Variants in PPM1B observed in about 807,000 individuals in gnomAD.
PPM1B encodes the protein protein phosphatase 1B.
PPM1B carries 22 observed loss-of-function variants against 43.0 expected under a neutral mutation model. The observed-to-expected ratio is 0.51, with a 90% CI of 0.37 to 0.73. The LOEUF (loss-of-function observed/expected upper bound fraction) is 0.73. Among genes scored for constraint, PPM1B ranks in the 30% least tolerant of loss-of-function variants. The pLI is 0.00. For synonymous variants in PPM1B, 217 were observed against 197.9 expected, an observed-to-expected ratio of 1.10 and a Z score of -0.81; for missense variants, 632 against 584.2, an observed-to-expected ratio of 1.08 and a Z score of -0.84.
chr2:44,220,469 C>A (rs1307121487), intron 5 of PPM1B, among the ~76,000 whole-genome samples: 1 of 152,032 alleles, frequency 6.6e-6, no homozygotes, highest in Non-Finnish European at 1.5e-5. Context: ...AATATATAAA[C>A]CTTACCTTAA....
chr2:44,206,196 C>G (rs1409329317), intron 2 of PPM1B, among the ~76,000 whole-genome samples: 1 of 151,936 alleles, frequency 6.6e-6, no homozygotes, highest in African/African-American at 2.4e-5. Context: ...ATATGCAGAG[C>G]TAATTTCTTT....
At chr2:44,202,408 T>G (rs1668982692) in intron 2 of PPM1B, among the ~76,000 whole-genome samples, 1 of 152,196 alleles carries the variant, frequency 6.6e-6, no homozygotes, top group African/African-American at 2.4e-5. Flanking sequence ...CTGTACTAGA[T>G]ATTACTAAAA....
downstream of PPM1B, among the ~76,000 whole-genome samples, chr2:44,238,615 T>A (rs1670680806): frequency 6.6e-6 from 1 of 151,354 alleles, no homozygotes; most frequent in Non-Finnish European, 1.5e-5. Flanking sequence ...GACAGGAAAA[T>A]CTCTTGAACC....
chr2:44,191,191 G>C (rs7601624), intron 1 of PPM1B, among the ~76,000 whole-genome samples: 1 of 151,940 alleles, frequency 6.6e-6, no homozygotes, highest in Non-Finnish European at 1.5e-5. Context: ...AAACTAATCT[G>C]TTGCTTTGTA....
At chr2:44,202,117 CTT>C (rs1481515946) in intron 2 of PPM1B, 72 bp downstream of exon 2, 27 of 1,368,654 alleles carry the variant, frequency 2.0e-5, no homozygotes, top group Non-Finnish European at 2.6e-5. Context: ...GTTAAGCTAA[CTT>C]AAAATTTTAA....
intron 1 of PPM1B, among the ~76,000 whole-genome samples, chr2:44,193,820 C>T (rs1232315030): frequency 6.6e-6 from 1 of 152,028 alleles, no homozygotes; most frequent in East Asian, 1.9e-4. Flanking sequence ...GTAAGGTGAT[C>T]CACCCGCCTC....
intron 1 of PPM1B, among the ~76,000 whole-genome samples, chr2:44,178,475 T>TATATATA (rs1491152402): frequency 3.8e-4 from 9 of 23,928 alleles, no homozygotes; most frequent in African/African-American, 8.4e-4. Context: ...TATATATATA[T>TATATATA]TTTTTTTTTT....
downstream of PPM1B, among the ~76,000 whole-genome samples, chr2:44,235,603 CAAAAA>C (rs60734033): frequency 5.4e-5 from 4 of 73,502 alleles, no homozygotes; most frequent in Admixed American, 1.7e-4. Context: ...AATTCCATCT[CAAAAA>C]AAAAAAAAAA....
chr2:44,242,256 C>A (rs1264123657), intron 5 of PPM1B, among the ~76,000 whole-genome samples: 2 of 151,970 alleles, frequency 1.3e-5, no homozygotes, highest in East Asian at 3.9e-4. Flanking sequence ...ATAATGGAAT[C>A]TTAGAGTTGA....
At position 44,201,370 on chromosome 2, in the gene PPM1B, A is replaced by G. The variant is rs1487155261; in HGVS notation, c.171A>G (p.Ala57=). The G allele has an allele frequency of 1.2e-6, 2 of 1,614,110 alleles. No homozygotes were observed. Among genetic ancestry groups the G allele is most frequent in the Non-Finnish European group, 8.5e-7 (1 of 1,179,998 alleles). Residue 57 remains alanine (A), a synonymous_variant, in exon 2 of 6, where the codon GCA becomes GCG. Transcript: ENST00000282412. The surrounding 1 kb of genome is among the most constrained non-coding windows in gnomAD (Gnocchi z 5.4). ...PHGLEDWSFF[A]VYDGHAGSRV... ...GCTTGGAAGACTGGTCATTTTTTGC[A>G]GTTTATGATGGTCATGCTGGATCCC...
intron 2 of PPM1B, 129 bp downstream of exon 2, chr2:44,202,174 A>C: frequency 1.1e-6 from 1 of 913,910 alleles, no homozygotes; most frequent in Non-Finnish European, 1.5e-6. Flanking sequence ...GAAGTACTTT[A>C]CCAGAAATGA....
At chr2:44,178,521 G>T (rs1667704365) in intron 1 of PPM1B, among the ~76,000 whole-genome samples, 1 of 150,130 alleles carries the variant, frequency 6.7e-6, no homozygotes, top group African/African-American at 2.5e-5. Flanking sequence ...AGGCTGGAGT[G>T]CAATGATGCA....
intron 1 of PPM1B, among the ~76,000 whole-genome samples, chr2:44,196,420 A>G (rs1668666940): frequency 6.6e-6 from 1 of 152,160 alleles, no homozygotes; most frequent in African/African-American, 2.4e-5. Flanking sequence ...TGCCTTTCTC[A>G]TTAGATTATG....
At chr2:44,193,566 AT>A (rs1308849270) in intron 1 of PPM1B, among the ~76,000 whole-genome samples, 15 of 140,846 alleles carry the variant, frequency 1.1e-4, no homozygotes, top group South Asian at 4.5e-4. Flanking sequence ...GCTAATTAAA[AT>A]TTTTTTTCTT....
chr2:44,232,855 T>C, downstream of PPM1B: 1 of 970,846 alleles, frequency 1.0e-6, no homozygotes, highest in Non-Finnish European at 1.2e-6. Context: ...TTATTATTGA[T>C]TGTTATTTAA....
At chr2:44,244,433 CAG>C (rs768001347), downstream of PPM1B, 23 of 1,149,226 alleles carry the variant, frequency 2.0e-5, no homozygotes, top group African/African-American at 3.2e-5. Flanking sequence ...TTAGTGGAGA[CAG>C]AGAAGGACTG....
At chr2:44,170,717 G>C (rs999855445) in intron 1 of PPM1B, among the ~76,000 whole-genome samples, 3 of 152,208 alleles carry the variant, frequency 2.0e-5, no homozygotes, top group African/African-American at 7.2e-5. Flanking sequence ...TAAATAGTGA[G>C]ACAAGTTATT....
intron 1 of PPM1B, among the ~76,000 whole-genome samples, chr2:44,194,508 T>TGTCAGGAGA (rs931737579): frequency 1.3e-5 from 2 of 151,864 alleles, no homozygotes; most frequent in Non-Finnish European, 2.9e-5. Context: ...CGGATCACGA[T>TGTCAGGAGA]GTCAGGAGAT....
chr2:44,170,826 A>T (rs1204348217), intron 1 of PPM1B, among the ~76,000 whole-genome samples: 1 of 152,232 alleles, frequency 6.6e-6, no homozygotes, highest in Non-Finnish European at 1.5e-5. Flanking sequence ...AGGTCTGCCA[A>T]ATGGACAGTG....
Sources: gnomAD v4.1 joint callset for allele counts (sites outside exome capture counted in the v4.1 genomes callset) on GRCh38, gnomAD v4.1.1 for gene constraint, Gnocchi (gnomAD v3.1) non-coding constraint, MANE v1.5 for transcripts, NCBI Gene and HGNC (gene_info 2026-07-23, HGNC 2026-07-21) for gene names.